NKIRAS1: variants seen among roughly 807,000 people sequenced by gnomAD.
The protein encoded by NKIRAS1 is NF-kappa-B inhibitor-interacting Ras-like protein 1.
A neutral mutation model predicts 19.8 loss-of-function variants in NKIRAS1; 16 were observed. The ratio of observed to expected loss-of-function variants is 0.81; its 90% CI spans 0.55 to 1.23. The LOEUF is 1.23. Ranked by LOEUF, NKIRAS1 falls within the 50% of genes most tolerant of loss-of-function variation. The probability of loss-of-function intolerance (pLI) is 0.00; values close to 1 mark genes in which losing one functional copy is unlikely to be tolerated. For synonymous variants in NKIRAS1, 88 were observed against 79.0 expected, an observed-to-expected ratio of 1.11 and a Z score of -0.61; for missense variants, 184 against 220.0, an observed-to-expected ratio of 0.84 and a Z score of 1.04.
Position 23,900,801 on chromosome 3 carries a change from C to G in NKIRAS1, c.336+7G>C. ...TCACATTTGGCATTTTTAACATATCCACTTGCCTCTTTTTTGTCTTTGAAC... is the reference window on the plus strand; with the variant it reads ...TCACATTTGGCATTTTTAACATATCGACTTGCCTCTTTTTTGTCTTTGAAC... On this transcript the variant is annotated splice_region_variant and intron_variant, in intron 4 of 4. Coordinates refer to ENST00000425478, the MANE Select transcript of NKIRAS1 (RefSeq NM_020345.4). The G allele has an allele frequency of 6.2e-7, 1 of 1,610,408 alleles. No individual in the cohort carries two copies. The highest frequency in any genetic ancestry group is 1.1e-5 in the South Asian group (1 of 90,838).
chr3:23,893,041 C>CAGA lies in NKIRAS1; in HGVS notation c.*51_*53dup, dbSNP rs1292026960. The CAGA allele has an allele frequency of 1.6e-5, 23 of 1,483,192 alleles. No individual in the cohort carries two copies. Among genetic ancestry groups the CAGA allele is most frequent in the Non-Finnish European group, 1.8e-5 (20 of 1,115,898 alleles). The allele number at this position is 1,483,192 out of a possible 1,614,324, so 91.9% of individuals were successfully genotyped here. On this transcript the variant is annotated 3_prime_UTR_variant, in exon 5 of 5. Transcript: ENST00000425478. ...AAATAGTAATATTACTCCATGTTCACAGACACTTAAAGGCAATCACTATTC... is the reference window on the plus strand; with the variant it reads ...AAATAGTAATATTACTCCATGTTCACAGAAGACACTTAAAGGCAATCACTATTC...
chr3:23,921,422 A>C (rs533067967), upstream of NKIRAS1, among the ~76,000 whole-genome samples: 1 of 152,172 alleles, frequency 6.6e-6, no homozygotes, highest in South Asian at 2.1e-4. Context: ...TACACCAAAC[A>C]CTTCCTAATG....
Position 23,927,613 on chromosome 3 carries a change from A to G in NKIRAS1, c.-139-16163T>C, listed in dbSNP as rs985125539. ...CTCATTGTCATTTGGAGAGAAGTTC[A>G]TTATTTGGCAGTCCTAGTTAGTTAG... is the stretch of plus-strand genomic sequence containing the variant. On this transcript the variant is annotated intron_variant, in intron 1 of 4. Transcript: ENST00000421515. The surrounding 1 kb of genome is among the most constrained non-coding windows in gnomAD (Gnocchi z 4.0). Among the ~76,000 whole-genome samples, 2 of 152,224 alleles carry G rather than the reference A, an allele frequency of 1.3e-5. No homozygotes were observed. Among genetic ancestry groups the G allele is most frequent in the African/African-American group, 4.8e-5 (2 of 41,454 alleles).
upstream of NKIRAS1, chr3:23,920,386 C>A (rs1241451870): frequency 5.1e-6 from 5 of 985,100 alleles, no homozygotes; most frequent in African/African-American, 1.7e-5. Context: ...GCATGGTTTC[C>A]AACCATATGT....
At chr3:23,909,660 G>C (rs1352100202) in intron 3 of NKIRAS1, among the ~76,000 whole-genome samples, 1 of 152,166 alleles carries the variant, frequency 6.6e-6, no homozygotes, top group African/African-American at 2.4e-5. Context: ...ATGACCTCCA[G>C]AGATGCTATC....
upstream of NKIRAS1, chr3:23,920,390 CAT>C (rs1705011136): frequency 1.0e-5 from 10 of 985,316 alleles, no homozygotes; most frequent in South Asian, 9.4e-5. Context: ...GGTTTCCAAC[CAT>C]ATGTGTTTTC....
chr3:23,918,414 C>A, upstream of NKIRAS1: 2 of 1,607,056 alleles, frequency 1.2e-6, no homozygotes, highest in Non-Finnish European at 8.5e-7. Flanking sequence ...TATAAAATCA[C>A]TAATTTCGTG....
At chr3:23,896,120 G>GT (rs1701963340) in intron 4 of NKIRAS1, among the ~76,000 whole-genome samples, 1 of 103,098 alleles carries the variant, frequency 9.7e-6, no homozygotes, top group East Asian at 3.4e-4. Flanking sequence ...GGGAGATGGA[G>GT]CAAGACTCCA....
chr3:23,924,000 T>G (rs1190517092), intron 1 of NKIRAS1: 1 of 152,176 alleles, frequency 6.6e-6, no homozygotes, highest in African/African-American at 2.4e-5. Context: ...TCTCATGCAT[T>G]TAGGTTGGGG....
chr3:23,919,451 C>T (rs370345068), upstream of NKIRAS1: 17 of 1,603,904 alleles, frequency 1.1e-5, no homozygotes, highest in Admixed American at 5.0e-5. Context: ...TGGCTCTCGC[C>T]GGGCAGCTTG....
chr3:23,910,762 C>T, intron 3 of NKIRAS1, 49 bp downstream of exon 3: 2 of 1,383,014 alleles, frequency 1.4e-6, no homozygotes, highest in Non-Finnish European at 2.1e-6. Context: ...ACAAAAGACC[C>T]CTGATAGCTC....
intron 1 of NKIRAS1, among the ~76,000 whole-genome samples, chr3:23,942,970 A>G (rs1057336503): frequency 1.3e-5 from 2 of 151,976 alleles, no homozygotes; most frequent in Admixed American, 6.6e-5. Flanking sequence ...CTAGTCTCCG[A>G]TTCTCCAATA....
In NKIRAS1 at chr3:23,916,968, T is replaced by C. The variant is rs1174373805; in HGVS notation, c.-324A>G. ...GCCCAGGCCGCTCAGGCTCGAATCT[T>C]GCGGAGCAGGGGGCGGGACAATAGC... On this transcript the variant is annotated 5_prime_UTR_variant, in exon 1 of 5. Transcript: ENST00000425478. 1 of 152,628 alleles carries C rather than the reference T, an allele frequency of 6.6e-6. No homozygotes were observed. The allele number at this position is 152,628 out of a possible 1,614,324, so 9.5% of individuals were successfully genotyped here.
At chr3:23,928,689 T>TCA (rs1170905719) in intron 1 of NKIRAS1, among the ~76,000 whole-genome samples, 1 of 116,882 alleles carries the variant, frequency 8.6e-6, no homozygotes, top group Non-Finnish European at 1.8e-5. Flanking sequence ...GATTTAGGCT[T>TCA]AAAAAAAAAA....
At chr3:23,940,206 G>C (rs1408022098) in intron 1 of NKIRAS1, among the ~76,000 whole-genome samples, 1 of 151,038 alleles carries the variant, frequency 6.6e-6, no homozygotes, top group Non-Finnish European at 1.5e-5. Flanking sequence ...AATTACTGGG[G>C]TGTGGTGGTA....
intron 1 of NKIRAS1, among the ~76,000 whole-genome samples, chr3:23,925,881 T>C (rs1004315688): frequency 2.6e-5 from 4 of 152,208 alleles, no homozygotes; most frequent in Non-Finnish European, 4.4e-5. Flanking sequence ...ACTAGCCATC[T>C]GTGACTTTTA....
chr3:23,919,879 T>C, upstream of NKIRAS1: 3 of 998,804 alleles, frequency 3.0e-6, no homozygotes, highest in South Asian at 1.4e-4. Context: ...TGGTTTATTT[T>C]CAAGTGGCTG....
At chr3:23,924,415 A>T (rs1705172994) in intron 1 of NKIRAS1, 1 of 152,014 alleles carries the variant, frequency 6.6e-6, no homozygotes, top group Admixed American at 6.6e-5. Context: ...TGCTCATGAG[A>T]TTCTTATTTT....
rs1301288856 is a variant in NKIRAS1, at chr3:23,926,046, T to TTA, written c.-139-14597_-139-14596insTA. Among the ~76,000 whole-genome samples the TTA allele has an allele frequency of 4.6e-5, 7 of 152,156 alleles. No homozygotes were observed. The East Asian group carries it at 1.4e-3, about 29-fold the overall frequency. On this transcript the variant is annotated intron_variant, in intron 1 of 4. Transcript: ENST00000421515. The surrounding 1 kb of genome is among the most constrained non-coding windows in gnomAD (Gnocchi z 4.3). ...ATAGTGCCAATTTATTTATTTTTAT[T>TTA]TTTATTTATTTATTTATTTTTTGAG...
Sources: allele counts gnomAD v4.1 joint callset (sites outside exome capture counted in the v4.1 genomes callset), GRCh38; gene constraint gnomAD v4.1.1; non-coding constraint Gnocchi (gnomAD v3.1); transcripts MANE v1.5; gene names NCBI Gene and HGNC (gene_info 2026-07-23, HGNC 2026-07-21).